Variants in LOC400499 observed in about 807,000 individuals in gnomAD.
the LOC400499 span, among the ~76,000 whole-genome samples, chr16:11,501,655 C>G: frequency 6.6e-6 from 1 of 151,780 alleles, no homozygotes; most frequent in Non-Finnish European, 1.5e-5. Context: ...TCTCTTTACC[C>G]GCCTTACTAG....
chr16:11,491,950 G>A, the LOC400499 span: 1 of 395,846 alleles, frequency 2.5e-6, no homozygotes, highest in East Asian at 3.6e-5. Context: ...AGCCCCAGCT[G>A]TCCTGATGCC....
At chr16:11,480,694 C>T in the LOC400499 span, among the ~76,000 whole-genome samples, 24 of 152,206 alleles carry the variant, frequency 1.6e-4, no homozygotes, top group East Asian at 5.8e-4. Flanking sequence ...GGTGTACGCC[C>T]GACAGGTATA....
chr16:11,378,542 G>A, the LOC400499 span, among the ~76,000 whole-genome samples: 8 of 152,198 alleles, frequency 5.3e-5, no homozygotes, highest in Non-Finnish European at 7.3e-5. Context: ...GGGATTACAG[G>A]TGGAGCCACT....
chr16:11,432,959 C>A, the LOC400499 span, among the ~76,000 whole-genome samples: 1 of 152,200 alleles, frequency 6.6e-6, no homozygotes, highest in African/African-American at 2.4e-5. Flanking sequence ...CTTTTCCTTT[C>A]CCCCTAGCTT....
chr16:11,461,160 C>A, the LOC400499 span: 179 of 1,502,170 alleles, frequency 1.2e-4, 1 homozygote, highest in African/African-American at 1.9e-3. Context: ...GGTCAGCCCC[C>A]AGGGACCAGC....
chr16:11,482,829 T>C, the LOC400499 span, among the ~76,000 whole-genome samples: 7 of 151,666 alleles, frequency 4.6e-5, no homozygotes, highest in East Asian at 1.9e-4. Context: ...CAGGTCAAGG[T>C]TGCAGTGAGC....
the LOC400499 span, chr16:11,384,909 TCAGGCTG>T: frequency 8.1e-7 from 1 of 1,231,814 alleles, no homozygotes; most frequent in Non-Finnish European, 1.0e-6. Context: ...AGGCCCAGAG[TCAGGCTG>T]CAGAGGCCGG....
At chr16:11,418,806 A>G in the LOC400499 span, among the ~76,000 whole-genome samples, 1 of 152,208 alleles carries the variant, frequency 6.6e-6, no homozygotes, top group African/African-American at 2.4e-5. Flanking sequence ...CTTGATGGAA[A>G]AAGTTTCTCA....
the LOC400499 span, among the ~76,000 whole-genome samples, chr16:11,416,843 G>T: frequency 6.6e-6 from 1 of 152,126 alleles, no homozygotes; most frequent in Admixed American, 6.5e-5. Context: ...TTGAAGAATA[G>T]CAAGGAGTGG....
chr16:11,477,507 C>G, the LOC400499 span, among the ~76,000 whole-genome samples: 6 of 152,204 alleles, frequency 3.9e-5, no homozygotes, highest in Non-Finnish European at 8.8e-5. Context: ...GGGCGTCACA[C>G]GAGTTCAGTG....
the LOC400499 span, among the ~76,000 whole-genome samples, chr16:11,436,830 G>A: frequency 6.6e-6 from 1 of 152,054 alleles, no homozygotes; most frequent in African/African-American, 2.4e-5. Flanking sequence ...CTGACCTCAG[G>A]TGATCTGTCT....
chr16:11,438,393 G>C, the LOC400499 span, among the ~76,000 whole-genome samples: 2 of 152,088 alleles, frequency 1.3e-5, no homozygotes, highest in African/African-American at 4.8e-5. Context: ...AGAATAAGCA[G>C]TTCCCTCCAT....
the LOC400499 span, among the ~76,000 whole-genome samples, chr16:11,490,207 C>G: frequency 1.3e-5 from 2 of 151,590 alleles, no homozygotes; most frequent in Non-Finnish European, 2.9e-5. Flanking sequence ...ACCAGCCTGG[C>G]CCACATGGCA....
At chr16:11,470,268 C>T in the LOC400499 span, among the ~76,000 whole-genome samples, 1 of 152,270 alleles carries the variant, frequency 6.6e-6, no homozygotes, top group Admixed American at 6.5e-5. Context: ...AAGCTCTGCA[C>T]TTCCTGGCTG....
the LOC400499 span, among the ~76,000 whole-genome samples, chr16:11,391,299 C>A: frequency 1.3e-5 from 2 of 152,196 alleles, no homozygotes; most frequent in African/African-American, 2.4e-5. Flanking sequence ...CTTTAATGAC[C>A]ACCTGGCCAC....
chr16:11,376,428 C>G, the LOC400499 span, among the ~76,000 whole-genome samples: 6 of 152,058 alleles, frequency 3.9e-5, no homozygotes, highest in East Asian at 1.2e-3. Flanking sequence ...CTAGTTTTCC[C>G]AACACCATTT....
chr16:11,457,465 C>G, the LOC400499 span, among the ~76,000 whole-genome samples: 6 of 151,628 alleles, frequency 4.0e-5, no homozygotes, highest in African/African-American at 1.5e-4. Flanking sequence ...TGGTGGTGGG[C>G]GCCTGTAGTC....
At chr16:11,384,477 C>G in the LOC400499 span, among the ~76,000 whole-genome samples, 3 of 152,216 alleles carry the variant, frequency 2.0e-5, no homozygotes, top group East Asian at 5.8e-4. Context: ...ACTCCTGGAG[C>G]CCAGGCCCTG....
the LOC400499 span, chr16:11,472,781 A>C: frequency 1.3e-5 from 2 of 152,244 alleles, no homozygotes; most frequent in Admixed American, 6.5e-5. Flanking sequence ...TGTTGAGAGC[A>C]GCACCAGGCC....
Sources: allele counts gnomAD v4.1 joint callset (sites outside exome capture counted in the v4.1 genomes callset), GRCh38; gene constraint gnomAD v4.1.1; transcripts MANE v1.5.